CARNMT1: variants seen among roughly 807,000 people sequenced by gnomAD.
CARNMT1 encodes carnosine N-methyltransferase 1.
Under a neutral mutation model 49.6 loss-of-function variants are expected in CARNMT1, and 28 were observed. That is an observed-to-expected ratio of 0.56 (90% CI 0.42 to 0.77). The LOEUF (loss-of-function observed/expected upper bound fraction) is 0.77. CARNMT1 is among the 30% of genes least tolerant of loss of function. The probability of loss-of-function intolerance (pLI) is 0.00; values close to 1 mark genes in which losing one functional copy is unlikely to be tolerated. For missense variants in CARNMT1, 421 were observed against 512.6 expected (o/e 0.82, Z 1.73); for synonymous variants, 178 against 175.0 (o/e 1.02, Z -0.13).
upstream of CARNMT1, chr9:75,028,364 C>T: frequency 3.8e-6 from 5 of 1,301,526 alleles, no homozygotes; most frequent in South Asian, 4.7e-5. Flanking sequence ...GCGGCGCGCT[C>T]CGCCCCCGCC....
chr9:74,990,989 A>T (rs1017228786), intron 6 of CARNMT1, among the ~76,000 whole-genome samples: 7 of 152,198 alleles, frequency 4.6e-5, no homozygotes, highest in African/African-American at 1.7e-4. Flanking sequence ...GAAAAATCTA[A>T]AAAGTTAGGC....
intron 6 of CARNMT1, among the ~76,000 whole-genome samples, chr9:74,985,582 CTT>C (rs894654797): frequency 2.8e-5 from 4 of 144,948 alleles, no homozygotes; most frequent in Admixed American, 1.4e-4. Flanking sequence ...TACAATATGA[CTT>C]TTTTTTTTTT....
At chr9:74,998,873 C>A in intron 4 of CARNMT1, 97 bp from the exon 5 acceptor site, 1 of 651,510 alleles carries the variant, frequency 1.5e-6, no homozygotes, top group Non-Finnish European at 2.4e-6. Context: ...TGAAGATTTG[C>A]ATATATAATT....
Position 74,986,096 on chromosome 9 carries a change from C to T in CARNMT1, c.1025-1086G>A, listed in dbSNP as rs539759793. ...ATCAACCTCATCCAGGAACCATTATCACTTAACACAGTTATATATACCTCA... is the reference window on the plus strand; with the variant it reads ...ATCAACCTCATCCAGGAACCATTATTACTTAACACAGTTATATATACCTCA... On this transcript the variant is annotated intron_variant, in intron 6 of 7. Coordinates refer to ENST00000376834, the MANE Select transcript of CARNMT1 (RefSeq NM_152420.3). Among the ~76,000 whole-genome samples the T allele has an allele frequency of 2.6e-5, 4 of 152,292 alleles. No individual in the cohort carries two copies. The East Asian group carries it at 5.8e-4, about 22-fold the overall frequency.
At chr9:75,012,589 T>TC (rs1244598460) in intron 3 of CARNMT1, among the ~76,000 whole-genome samples, 1 of 152,084 alleles carries the variant, frequency 6.6e-6, no homozygotes, top group East Asian at 1.9e-4. Context: ...GGACAGGTCT[T>TC]CAAGTTTTAA....
At chr9:75,027,908 C>T in intron 1 of CARNMT1, 104 bp downstream of exon 1, 1 of 1,300,688 alleles carries the variant, frequency 7.7e-7, no homozygotes. Context: ...CCCGACGCCT[C>T]GGAGGCGTGG....
intron 3 of CARNMT1, among the ~76,000 whole-genome samples, chr9:75,003,867 T>G (rs765855068): frequency 1.2e-4 from 18 of 152,238 alleles, no homozygotes; most frequent in Non-Finnish European, 2.2e-4. Flanking sequence ...CATTTGTTTT[T>G]TGTTTTGTTT....
chr9:75,009,849 G>A (rs1256795695), intron 3 of CARNMT1: 1 of 152,122 alleles, frequency 6.6e-6, no homozygotes, highest in Non-Finnish European at 1.5e-5. Flanking sequence ...GGAACTTATT[G>A]TTATAAGGAA....
Position 75,016,909 on chromosome 9 carries a change from C to T in CARNMT1, c.426+344G>A, listed in dbSNP as rs887170222. On this transcript the variant is annotated intron_variant, in intron 2 of 7. Coordinates refer to ENST00000376834, the MANE Select transcript of CARNMT1 (RefSeq NM_152420.3). ...AATAAAAGATGAACAGCAATAGATA[C>T]AAGACACTGAAAAAATATGAGTTAA... 4 of 360,592 alleles carry T rather than the reference C, an allele frequency of 1.1e-5. No homozygotes were observed. The East Asian group carries it at 1.3e-4, about 12-fold the overall frequency. 22.3% of individuals were successfully genotyped at this position (360,592 alleles called of 1,614,324 possible).
At chr9:75,025,433 T>C (rs1178217166) in intron 1 of CARNMT1, among the ~76,000 whole-genome samples, 1 of 152,246 alleles carries the variant, frequency 6.6e-6, no homozygotes. Flanking sequence ...TAAGATTTAA[T>C]GCTACATCTT....
At chr9:75,005,889 G>C (rs1833497648) in intron 3 of CARNMT1, among the ~76,000 whole-genome samples, 1 of 146,910 alleles carries the variant, frequency 6.8e-6, no homozygotes, top group African/African-American at 2.5e-5. Flanking sequence ...AAGGCTAGCT[G>C]ACATAAATTT....
chr9:75,010,079 A>T (rs186829694), intron 3 of CARNMT1: 13 of 131,982 alleles, frequency 9.8e-5, no homozygotes, highest in East Asian at 5.8e-4. Flanking sequence ...TATAAGAGAT[A>T]AAAAAAACTC....
At chr9:75,027,923 G>A in intron 1 of CARNMT1, 89 bp downstream of exon 1, 2 of 1,369,650 alleles carry the variant, frequency 1.5e-6, no homozygotes, top group Non-Finnish European at 1.9e-6. Context: ...GCGTGGCGGC[G>A]GGACGGCGAG....
chr9:75,009,445 A>C (rs1374624009), intron 3 of CARNMT1, among the ~76,000 whole-genome samples: 1 of 151,966 alleles, frequency 6.6e-6, no homozygotes, highest in Admixed American at 6.6e-5. Context: ...CATACCAAGT[A>C]TTTCTTAATG....
At chr9:75,020,553 A>ACC (rs1205759361) in intron 1 of CARNMT1, among the ~76,000 whole-genome samples, 12 of 152,130 alleles carry the variant, frequency 7.9e-5, no homozygotes, top group African/African-American at 2.9e-4. Flanking sequence ...GGCGTGAGCC[A>ACC]CCGCACCCAG....
chr9:74,992,102 T>C (rs996920990), intron 6 of CARNMT1, among the ~76,000 whole-genome samples: 1 of 152,050 alleles, frequency 6.6e-6, no homozygotes, highest in South Asian at 2.1e-4. Flanking sequence ...TGAAACCCCA[T>C]CTCCACTTAA....
chr9:74,990,137 T>TC (rs1267075489), intron 6 of CARNMT1, among the ~76,000 whole-genome samples: 1 of 151,942 alleles, frequency 6.6e-6, no homozygotes, highest in African/African-American at 2.4e-5. Context: ...TGAGAGGGGA[T>TC]CCCCCCGCAA....
intron 1 of CARNMT1, 118 bp downstream of exon 1, chr9:75,027,894 G>A: frequency 2.6e-6 from 3 of 1,159,672 alleles, no homozygotes; most frequent in Non-Finnish European, 2.3e-6. Flanking sequence ...TGCAGCAGCC[G>A]GGTCCCGACG....
At chr9:74,997,196 T>C (rs1293835829) in intron 5 of CARNMT1, among the ~76,000 whole-genome samples, 1 of 152,136 alleles carries the variant, frequency 6.6e-6, no homozygotes, top group African/African-American at 2.4e-5. Context: ...CTCTCAAACC[T>C]TGCTCCAGAA....
Sources: gnomAD v4.1 joint callset for allele counts (sites outside exome capture counted in the v4.1 genomes callset) on GRCh38, gnomAD v4.1.1 for gene constraint, MANE v1.5 for transcripts, NCBI Gene and HGNC (gene_info 2026-07-23, HGNC 2026-07-21) for gene names.